Variants in ANAPC7 observed in about 807,000 individuals in gnomAD.
ANAPC7 encodes the protein anaphase-promoting complex subunit 7.
In ANAPC7, 25 loss-of-function variants were observed where a neutral mutation model predicts 63.3. The ratio of observed to expected loss-of-function variants is 0.39; its 90% CI spans 0.29 to 0.55. ANAPC7 has a LOEUF of 0.55. ANAPC7 is among the 20% of genes least tolerant of loss of function. ANAPC7 has a pLI of 0.57. For missense variants in ANAPC7, 516 were observed against 691.7 expected, an observed-to-expected ratio of 0.75 and a Z score of 2.85; for synonymous variants, 241 against 251.7, an observed-to-expected ratio of 0.96 and a Z score of 0.40.
At chr12:110,380,650 C>CAAAA (rs34812107) in intron 8 of ANAPC7, among the ~76,000 whole-genome samples, 1 of 57,042 alleles carries the variant, frequency 1.8e-5, no homozygotes, top group East Asian at 5.5e-4. Context: ...GACTCTGTCT[C>CAAAA]AAAAAAAAAA....
chr12:110,395,685 T>TCCA (rs1178728459), intron 2 of ANAPC7, among the ~76,000 whole-genome samples: 4 of 151,876 alleles, frequency 2.6e-5, no homozygotes, highest in African/African-American at 9.7e-5. Context: ...ACTACAGGCA[T>TCCA]CCACCACCAT....
At chr12:110,379,165 T>C (rs1881585950) in intron 8 of ANAPC7, 1 of 152,182 alleles carries the variant, frequency 6.6e-6, no homozygotes, top group African/African-American at 2.4e-5. Flanking sequence ...CCCAGCCAAT[T>C]ACCTAACTCT....
intron 1 of ANAPC7, among the ~76,000 whole-genome samples, chr12:110,401,950 C>CAAAA (rs747810973): frequency 2.8e-4 from 13 of 46,110 alleles, no homozygotes; most frequent in Non-Finnish European, 4.2e-4. Flanking sequence ...GACTCCGTCT[C>CAAAA]AAAAAAAAAA....
intron 2 of ANAPC7, among the ~76,000 whole-genome samples, chr12:110,395,624 G>A (rs1308645092): frequency 3.3e-5 from 5 of 149,730 alleles, no homozygotes; most frequent in African/African-American, 4.9e-5. Context: ...ACAGAGTCTC[G>A]TTCTGTCACC....
chr12:110,385,758 TAGAC>T (rs926399491), intron 6 of ANAPC7, among the ~76,000 whole-genome samples: 2 of 152,178 alleles, frequency 1.3e-5, no homozygotes, highest in Admixed American at 6.5e-5. Flanking sequence ...CCTTTACAAA[TAGAC>T]AGCATATCTA....
chr12:110,374,393 T>C, intron 10 of ANAPC7, 60 bp from the exon 11 acceptor site: 1 of 1,535,414 alleles, frequency 6.5e-7, no homozygotes, highest in Non-Finnish European at 8.9e-7. Context: ...GCTGGCTGAT[T>C]CGTCATCTCC....
chr12:110,387,309 GACAGAGAGACAGAGAGAGAGAGAGAGGC>G (rs1882627397), intron 5 of ANAPC7: 2 of 117,214 alleles, frequency 1.7e-5, no homozygotes, highest in Non-Finnish European at 3.7e-5. Context: ...GAGAGAGAGA[GACAGAGAGACAGAGAGAGAGAGAGAGGC>G]AGAGAGAGAG....
intron 10 of ANAPC7, among the ~76,000 whole-genome samples, chr12:110,374,919 C>T (rs530737763): frequency 6.6e-6 from 1 of 152,164 alleles, no homozygotes; most frequent in South Asian, 2.1e-4. Context: ...CATACGCCAC[C>T]CCCACCCCCA....
At chr12:110,395,075 G>C in intron 3 of ANAPC7, 26 bp downstream of exon 3, 1 of 1,608,148 alleles carries the variant, frequency 6.2e-7, no homozygotes. Context: ...GAGCTGAGGA[G>C]AAAAACACAT....
Position 110,374,043 on chromosome 12 carries a change from C to T in ANAPC7, c.*101G>A, listed in dbSNP as rs1881034588. 1.5e-6 allele frequency: 2 copies of T among 1,334,300 alleles called. No individual in the cohort carries two copies. Among genetic ancestry groups the T allele is most frequent in the South Asian group, 3.1e-5 (2 of 64,730 alleles). 82.7% of individuals were successfully genotyped at this position (1,334,300 alleles called of 1,614,324 possible). A position where few individuals can be genotyped will look rare whatever the true frequency, so the allele number is the denominator to read the frequency against. On this transcript the variant is annotated 3_prime_UTR_variant, in exon 11 of 11. Transcript: ENST00000455511. ...CAGAGACCCCTGCTGCAATCACATG[C>T]TGAATCATTGTCCTTCTGAGAGCAG...
chr12:110,383,971 G>A (rs1423977570), intron 6 of ANAPC7, among the ~76,000 whole-genome samples: 4 of 151,736 alleles, frequency 2.6e-5, no homozygotes, highest in Non-Finnish European at 5.9e-5. Flanking sequence ...GGGAGGCTGA[G>A]GCAGGTGGAT....
chr12:110,381,239 A>T (rs1881815800), intron 8 of ANAPC7, among the ~76,000 whole-genome samples: 1 of 152,158 alleles, frequency 6.6e-6, no homozygotes, highest in African/African-American at 2.4e-5. Flanking sequence ...ACCTCCAAAA[A>T]TATCGATGTC....
intron 1 of ANAPC7, among the ~76,000 whole-genome samples, chr12:110,402,027 T>A (rs959990175): frequency 1.6e-4 from 23 of 142,080 alleles, no homozygotes; most frequent in African/African-American, 5.8e-4. Context: ...ATAACAAAAA[T>A]TAGCTGGGCG....
chr12:110,403,544 T>C lies in ANAPC7; in HGVS notation c.84A>G (p.Thr28=). ...CAACTCACGGGTTGTTATTACTCAT[T>C]GTAAGTAACAAGCTGCTGAGGAGCC... ...NVRLLSSLLL[T]MSNNNPELFS... Residue 28 remains threonine, a synonymous_variant, in exon 1 of 11, where the codon ACA becomes ACG. Transcript: ENST00000455511. 6.2e-7 allele frequency: 1 copy of C among 1,605,008 alleles called. No homozygotes were observed.
At chr12:110,395,307 A>G in intron 2 of ANAPC7, 87 bp from the exon 3 acceptor site, 5 of 1,311,514 alleles carry the variant, frequency 3.8e-6, no homozygotes, top group Non-Finnish European at 5.2e-6. Flanking sequence ...TTATCATATG[A>G]CCCAGCAATT....
rs186176603 is a variant in ANAPC7, at chr12:110,402,616, G to A, written c.101+911C>T. 2.8e-4 allele frequency among the ~76,000 whole-genome samples: 42 copies of A among 152,224 alleles called. No homozygotes were observed. In the East Asian group the frequency reaches 5.6e-3, roughly 20 times the overall value. Reference sequence around the variant, plus strand: ...CCCAAAGTGCTGGGATTACAGGCATGAGCCACTACGCCCGGCCAATAAAGG... The same window carrying A: ...CCCAAAGTGCTGGGATTACAGGCATAAGCCACTACGCCCGGCCAATAAAGG... On this transcript the variant is annotated intron_variant, in intron 1 of 10. Coordinates refer to ENST00000455511, the MANE Select transcript of ANAPC7 (RefSeq NM_016238.3).
chr12:110,376,421 T>C (rs1192613700), intron 9 of ANAPC7, among the ~76,000 whole-genome samples: 2 of 151,494 alleles, frequency 1.3e-5, no homozygotes, highest in Non-Finnish European at 2.9e-5. Flanking sequence ...TACAAAAAAT[T>C]AGCCGGGCTT....
chr12:110,399,537 G>C (rs1324357132), intron 1 of ANAPC7, among the ~76,000 whole-genome samples: 4 of 151,780 alleles, frequency 2.6e-5, no homozygotes, highest in East Asian at 1.9e-4. Flanking sequence ...ATTACTAATA[G>C]ACACGGTTTC....
At chr12:110,376,929 T>C (rs1023225558) in intron 9 of ANAPC7, among the ~76,000 whole-genome samples, 22 of 151,600 alleles carry the variant, frequency 1.5e-4, no homozygotes, top group African/African-American at 5.3e-4. Flanking sequence ...GAAACCGGCC[T>C]GGCCAATATG....
Sources: gnomAD v4.1 joint callset for allele counts (sites outside exome capture counted in the v4.1 genomes callset) on GRCh38, gnomAD v4.1.1 for gene constraint, MANE v1.5 for transcripts, NCBI Gene and HGNC (gene_info 2026-07-23, HGNC 2026-07-21) for gene names.